LMBR1: variants seen among roughly 807,000 people sequenced by gnomAD.
The protein encoded by LMBR1 is limb region 1 protein homolog.
In LMBR1, 52 loss-of-function variants were observed where a neutral mutation model predicts 73.9. The observed-to-expected ratio is 0.70, with a 90% CI of 0.56 to 0.89. The LOEUF (loss-of-function observed/expected upper bound fraction) is 0.89. Among genes scored for constraint, LMBR1 ranks in the 40% least tolerant of loss-of-function variants. The probability of loss-of-function intolerance (pLI) is 0.00; values close to 1 mark genes in which losing one functional copy is unlikely to be tolerated. For missense variants in LMBR1, 539 were observed against 579.8 expected, an observed-to-expected ratio of 0.93 and a Z score of 0.72; for synonymous variants, 215 against 209.4, an observed-to-expected ratio of 1.03 and a Z score of -0.23.
At chr7:156,873,664 C>A (rs1799692019) in intron 1 of LMBR1, among the ~76,000 whole-genome samples, 1 of 152,202 alleles carries the variant, frequency 6.6e-6, no homozygotes, top group African/African-American at 2.4e-5. Flanking sequence ...CACACAGGTT[C>A]TCCAAGGCCC....
intron 5 of LMBR1, among the ~76,000 whole-genome samples, chr7:156,786,589 T>C (rs1180041562): frequency 6.6e-6 from 1 of 152,190 alleles, no homozygotes; most frequent in Non-Finnish European, 1.5e-5. Context: ...TCATCCCAAC[T>C]TTGAAGGAAT....
intron 5 of LMBR1, among the ~76,000 whole-genome samples, chr7:156,781,983 T>G (rs1376145700): frequency 3.3e-5 from 5 of 152,194 alleles, no homozygotes; most frequent in Admixed American, 1.3e-4. Context: ...AAACAATAAC[T>G]TCCCCCCCAA....
rs1446887084 is a variant in LMBR1, at chr7:156,677,829, A to G, written c.*6249T>C. 6.6e-6 allele frequency: 1 copy of G among 152,180 alleles called. No homozygotes were observed. Among genetic ancestry groups the G allele is most frequent in the Non-Finnish European group, 1.5e-5 (1 of 68,038 alleles). 9.4% of individuals were successfully genotyped at this position (152,180 alleles called of 1,614,324 possible). A position where few individuals can be genotyped will look rare whatever the true frequency, so the allele number is the denominator to read the frequency against. ...TATACTATCAAAAAATTTGCAGACT[A>G]ATTTGGAGAATGCTTTAAACAATGA... On this transcript the variant is annotated 3_prime_UTR_variant, in exon 17 of 17. Transcript: ENST00000353442.
rs780821709 is a variant in LMBR1 at position 156,824,360 on chromosome 7, AAAC to A, written c.319+2242_319+2244del. On this transcript the variant is annotated intron_variant, in intron 4 of 16. Coordinates refer to ENST00000353442, the MANE Select transcript of LMBR1 (RefSeq NM_022458.4). ...CAAAAATTATCTTCTATACTTTCTC[AAAC>A]AACAAGAGACAGGAAATAAGACAAA... Among the ~76,000 whole-genome samples, 21 of 152,256 alleles carry A rather than the reference AAAC, an allele frequency of 1.4e-4. 1 individual carries two copies. The highest frequency in any genetic ancestry group is 1.2e-3 in the Admixed American group (19 of 15,294).
intron 5 of LMBR1, among the ~76,000 whole-genome samples, chr7:156,776,083 TA>T (rs1826084402): frequency 6.7e-6 from 1 of 148,492 alleles, no homozygotes; most frequent in South Asian, 2.1e-4. Context: ...AAATTATACA[TA>T]TTTTATACAT....
chr7:156,833,954 T>A (rs1563484161), intron 2 of LMBR1, among the ~76,000 whole-genome samples, 162 bp from the exon 3 acceptor site: 1 of 152,306 alleles, frequency 6.6e-6, no homozygotes, highest in East Asian at 1.9e-4. Flanking sequence ...CAAATTTAAA[T>A]CTCATTAAAT....
At chr7:156,823,750 TATA>T (rs1197713574) in intron 4 of LMBR1, 1 of 152,140 alleles carries the variant, frequency 6.6e-6, no homozygotes, top group Non-Finnish European at 1.5e-5. Context: ...GAAAACACAA[TATA>T]ATATTAAAGG....
intron 9 of LMBR1, among the ~76,000 whole-genome samples, chr7:156,745,649 T>C (rs888895285): frequency 1.9e-4 from 29 of 152,174 alleles, no homozygotes; most frequent in African/African-American, 6.8e-4. Flanking sequence ...CAGGGGCAAA[T>C]GCAATCTCAC....
At chr7:156,738,169 TG>T (rs1563248245) in intron 9 of LMBR1, among the ~76,000 whole-genome samples, 1 of 151,962 alleles carries the variant, frequency 6.6e-6, no homozygotes. Flanking sequence ...TCTGTGTACT[TG>T]GGGGAGGGAG....
rs1199549746 is a variant in LMBR1 at position 156,704,461 on chromosome 7, T to C, written c.1226-16270A>G. 1.3e-4 allele frequency among the ~76,000 whole-genome samples: 19 copies of C among 151,904 alleles called. 1 individual carries two copies. Among genetic ancestry groups the C allele is most frequent in the Admixed American group, 1.2e-3 (19 of 15,244 alleles). ...GTCAAGAAAAAAAGTCCCCTCCCAA[T>C]GAAAGTAAATTTAAAAATAAGCAGC... On this transcript the variant is annotated intron_variant, in intron 15 of 16. Coordinates refer to ENST00000353442, the MANE Select transcript of LMBR1 (RefSeq NM_022458.4).
intron 4 of LMBR1, among the ~76,000 whole-genome samples, chr7:156,808,159 G>A (rs1221554190): frequency 5.3e-5 from 8 of 152,100 alleles, no homozygotes; most frequent in East Asian, 1.9e-4. Context: ...CTTCTATATC[G>A]TGATTTTTTC....
chr7:156,880,476 C>T (rs1800916575), intron 1 of LMBR1, among the ~76,000 whole-genome samples: 1 of 151,892 alleles, frequency 6.6e-6, no homozygotes, highest in African/African-American at 2.4e-5. Flanking sequence ...CAAAAACTAC[C>T]TGTTTCCCTA....
intron 15 of LMBR1, among the ~76,000 whole-genome samples, chr7:156,695,486 G>A (rs143694775): frequency 9.7e-4 from 148 of 152,296 alleles, no homozygotes; most frequent in Non-Finnish European, 1.7e-3. Context: ...CAATCATGGG[G>A]GAAAGTGAAG....
At chr7:156,792,552 G>T (rs1829398025) in intron 5 of LMBR1, among the ~76,000 whole-genome samples, 2 of 152,200 alleles carry the variant, frequency 1.3e-5, no homozygotes, top group African/African-American at 4.8e-5. Context: ...TAAGGGAATA[G>T]CAAGGAGATG....
chr7:156,761,976 C>CAAAAAAAAAAAAAAAAAAA (rs552712592), intron 8 of LMBR1, among the ~76,000 whole-genome samples, 158 bp downstream of exon 8: 4 of 104,174 alleles, frequency 3.8e-5, no homozygotes, highest in African/African-American at 1.2e-4. Context: ...GACTCTGTCT[C>CAAAAAAAAAAAAAAAAAAA]AAAAAAAAAA....
intron 7 of LMBR1, among the ~76,000 whole-genome samples, chr7:156,762,846 A>AGTGTGTTTGTGT (rs1554505711): frequency 4.0e-5 from 6 of 148,520 alleles, no homozygotes; most frequent in African/African-American, 1.5e-4. Context: ...TGTGAGTGTG[A>AGTGTGTTTGTGT]GTGTGTGTGT....
In LMBR1 at chr7:156,728,310, A is replaced by T. The variant is rs1475089064; in HGVS notation, c.916-303T>A. Among the ~76,000 whole-genome samples the T allele has an allele frequency of 1.5e-4, 23 of 152,366 alleles. No homozygotes were observed. In the South Asian group the frequency reaches 4.8e-3, roughly 32 times the overall value. On this transcript the variant is annotated intron_variant, in intron 11 of 16. Coordinates refer to ENST00000353442, the MANE Select transcript of LMBR1 (RefSeq NM_022458.4). ...CTTAAAAAAGTGGTAAAATATTATC[A>T]GAACTAACTTCATAATGTAATTTTC... is the stretch of plus-strand genomic sequence containing the variant.
intron 15 of LMBR1, among the ~76,000 whole-genome samples, chr7:156,698,735 A>C (rs1029857916): frequency 3.9e-5 from 6 of 151,918 alleles, no homozygotes; most frequent in African/African-American, 1.5e-4. Flanking sequence ...TTTTCCTCCT[A>C]AACCTCCCAG....
intron 5 of LMBR1, chr7:156,779,734 T>C (rs761280228): frequency 6.5e-5 from 83 of 1,283,072 alleles, no homozygotes; most frequent in Non-Finnish European, 1.2e-5. Flanking sequence ...CTTGCCCTCC[T>C]GTAAGGGATG....
Sources: allele counts gnomAD v4.1 joint callset (sites outside exome capture counted in the v4.1 genomes callset), GRCh38; gene constraint gnomAD v4.1.1; transcripts MANE v1.5; gene names NCBI Gene and HGNC (gene_info 2026-07-23, HGNC 2026-07-21).